Variants in NHSL1 observed in about 807,000 individuals in gnomAD.
The protein encoded by NHSL1 is NHS-like protein 1.
In NHSL1, 48 loss-of-function variants were observed where a neutral mutation model predicts 95.0. The ratio of observed to expected loss-of-function variants is 0.51; its 90% CI spans 0.40 to 0.64. The LOEUF is 0.64. Among genes scored for constraint, NHSL1 ranks in the 30% least tolerant of loss-of-function variants. The pLI, the probability that NHSL1 is intolerant of heterozygous loss-of-function variation, is 0.00. For missense variants in NHSL1, 1,971 were observed against 2,077.7 expected (o/e 0.95, Z 1.00); for synonymous variants, 783 against 833.9 (o/e 0.94, Z 1.05).
intron 3 of NHSL1, among the ~76,000 whole-genome samples, chr6:138,468,978 C>T (rs1778573169): frequency 1.3e-5 from 2 of 152,150 alleles, no homozygotes; most frequent in South Asian, 2.1e-4. Flanking sequence ...ATCAATAAGT[C>T]CTTATTTTGC....
chr6:138,512,812 A>G (rs908125865), intron 1 of NHSL1, among the ~76,000 whole-genome samples: 2 of 152,200 alleles, frequency 1.3e-5, no homozygotes, highest in Non-Finnish European at 2.9e-5. Flanking sequence ...GGCGAGAGAA[A>G]GGTTTCAGAA....
upstream of NHSL1, among the ~76,000 whole-genome samples, chr6:138,501,386 G>C (rs1186295345): frequency 6.6e-6 from 1 of 152,102 alleles, no homozygotes; most frequent in Non-Finnish European, 1.5e-5. Flanking sequence ...ATATTAGAAG[G>C]AGTTGAGTGC....
chr6:138,473,314 C>G lies in NHSL1; in HGVS notation c.331G>C (p.Asp111His). ...TGAACTTTGAAGCTTACCTTTTGATCTGTTTCTTCATCTTCATCTTGGTAA... is the reference window on the plus strand; with the variant it reads ...TGAACTTTGAAGCTTACCTTTTGATGTGTTTCTTCATCTTCATCTTGGTAA... ...DDYQDEDEET[D>H]QKCSLSSSEE... Residue 111 changes from aspartate (D) to histidine (H), a missense_variant, in exon 3 of 8, where the codon GAT (aspartate) becomes CAT (histidine). Around this residue, in one of 3 missense-constraint regions of NHSL1, gnomAD observed 1,602 missense variants for 1,654.5 expected, o/e 0.97. Transcript: ENST00000343505. 1 of 1,541,770 alleles carries G rather than the reference C, an allele frequency of 6.5e-7. No homozygotes were observed. The highest frequency in any genetic ancestry group is 2.0e-5 in the Admixed American group (1 of 48,832).
At chr6:138,436,793 C>A (rs1425965202) in intron 5 of NHSL1, among the ~76,000 whole-genome samples, 2 of 152,182 alleles carry the variant, frequency 1.3e-5, no homozygotes, top group Admixed American at 1.3e-4. Flanking sequence ...GAAGCCAATG[C>A]TCTTTTACCA....
At chr6:138,535,007 A>C (rs554536400) in intron 1 of NHSL1, among the ~76,000 whole-genome samples, 51 of 152,334 alleles carry the variant, frequency 3.3e-4, no homozygotes, top group Admixed American at 2.2e-3. Context: ...TCAAAAATAA[A>C]GAGAAATTGC....
At position 138,644,391 on chromosome 6, in the gene NHSL1, T is replaced by C. The variant is rs138747243; in HGVS notation, c.96+48085A>G. 2.9e-3 allele frequency among the ~76,000 whole-genome samples: 437 copies of C among 151,962 alleles called. 4 individuals carry two copies. The highest frequency in any genetic ancestry group is 0.01 in the African/African-American group (415 of 41,438). On this transcript the variant is annotated intron_variant, in intron 1 of 3. Transcript: ENST00000491526. ...TGGTGCATATGCCTATAATCCCAAC[T>C]ACTCAGGAGGCTGAGGCAGGAGAAT...
chr6:138,676,913 C>G (rs1163391031), intron 1 of NHSL1, among the ~76,000 whole-genome samples: 2 of 152,342 alleles, frequency 1.3e-5, no homozygotes, highest in South Asian at 2.1e-4. Flanking sequence ...CCTCAGCCCC[C>G]ACAAAGTGCT....
At chr6:138,641,717 C>A (rs1421634873) in intron 1 of NHSL1, among the ~76,000 whole-genome samples, 1 of 151,416 alleles carries the variant, frequency 6.6e-6, no homozygotes, top group Non-Finnish European at 1.5e-5. Context: ...CCCAGGAATA[C>A]TGCACCCAAC....
At chr6:138,454,979 A>T (rs1334978578) in intron 3 of NHSL1, among the ~76,000 whole-genome samples, 1 of 152,244 alleles carries the variant, frequency 6.6e-6, no homozygotes, top group Non-Finnish European at 1.5e-5. Context: ...GCAGGTATAA[A>T]CAGACCCTGA....
intron 1 of NHSL1, among the ~76,000 whole-genome samples, chr6:138,628,325 GA>G (rs1051534123): frequency 7.9e-4 from 118 of 149,786 alleles, no homozygotes; most frequent in African/African-American, 2.7e-3. Context: ...AAAAAAAAAA[GA>G]AAAAAAGTGG....
Position 138,424,194 on chromosome 6 carries a change from C to G in NHSL1, c.4708G>C (p.Gly1570Arg). 1 of 1,484,690 alleles carries G rather than the reference C, an allele frequency of 6.7e-7. No individual in the cohort carries two copies. The highest frequency in any genetic ancestry group is 8.9e-7 in the Non-Finnish European group (1 of 1,120,418). 92.0% of individuals were successfully genotyped at this position (1,484,690 alleles called of 1,614,324 possible). ...TGGGGCTGCAGGGAGGCGGCAGGCC[C>G]CTCCCCACAGAGCAGGCCGCCCTCG... is the stretch of plus-strand genomic sequence containing the variant. The part of the protein sequence containing the change: ...MDEGGLLCGE[G>R]PAASLQPQAP... The change falls in exon 8 of 8, where the codon GGG (glycine) becomes CGG (arginine). Residue 1570 changes from glycine to arginine, a missense_variant. Around this residue, in one of 3 missense-constraint regions of NHSL1, gnomAD observed 223 missense variants for 217.0 expected, o/e 1.03. Transcript: ENST00000343505. The surrounding 1 kb of genome is among the most constrained non-coding windows in gnomAD (Gnocchi z 5.9).
At chr6:138,654,052 G>A (rs1785125967) in intron 1 of NHSL1, among the ~76,000 whole-genome samples, 1 of 152,164 alleles carries the variant, frequency 6.6e-6, no homozygotes, top group East Asian at 1.9e-4. Flanking sequence ...CTGTGCAGAT[G>A]GGACTAAAAA....
At chr6:138,646,347 A>G (rs1456220494) in intron 1 of NHSL1, among the ~76,000 whole-genome samples, 1 of 152,244 alleles carries the variant, frequency 6.6e-6, no homozygotes, top group Non-Finnish European at 1.5e-5. Context: ...CTCAGCATAT[A>G]CAGGTAATTG....
intron 3 of NHSL1, among the ~76,000 whole-genome samples, chr6:138,447,978 G>A (rs1486726163): frequency 1.3e-5 from 2 of 152,106 alleles, no homozygotes; most frequent in Non-Finnish European, 2.9e-5. Flanking sequence ...AACTATTTGT[G>A]CTCTTCCAAA....
intron 1 of NHSL1, among the ~76,000 whole-genome samples, chr6:138,639,774 G>A (rs867945630): frequency 2.4e-4 from 33 of 138,116 alleles, no homozygotes; most frequent in Admixed American, 2.4e-3. Flanking sequence ...CCTCTAGCCA[G>A]GGGACAGAGT....
chr6:138,498,299 G>A (rs988118408), intron 1 of NHSL1, among the ~76,000 whole-genome samples: 16 of 152,056 alleles, frequency 1.1e-4, no homozygotes, highest in African/African-American at 3.6e-4. Context: ...ACCATCAATC[G>A]CACCATCGGC....
intron 1 of NHSL1, among the ~76,000 whole-genome samples, chr6:138,687,996 G>C (rs1251505720): frequency 6.6e-6 from 1 of 152,122 alleles, no homozygotes; most frequent in African/African-American, 2.4e-5. Flanking sequence ...CTATCTCCCA[G>C]GCTGGGGTGC....
chr6:138,547,525 C>T (rs1005069200), upstream of NHSL1, among the ~76,000 whole-genome samples: 2 of 152,178 alleles, frequency 1.3e-5, no homozygotes, highest in Non-Finnish European at 2.9e-5. Context: ...GGATTACAGG[C>T]GCCCGCCGCC....
intron 1 of NHSL1, among the ~76,000 whole-genome samples, chr6:138,667,824 G>T (rs1216484684): frequency 6.6e-6 from 1 of 152,126 alleles, no homozygotes; most frequent in Non-Finnish European, 1.5e-5. Flanking sequence ...CTGATAATTA[G>T]AAAATATTCT....
Sources: allele counts gnomAD v4.1 joint callset (sites outside exome capture counted in the v4.1 genomes callset), GRCh38; gene constraint gnomAD v4.1.1; regional missense constraint gnomAD v4.1.1; non-coding constraint Gnocchi (gnomAD v3.1); transcripts MANE v1.5; gene names NCBI Gene and HGNC (gene_info 2026-07-23, HGNC 2026-07-21).